Variants in PRR36 observed in about 807,000 individuals in gnomAD.
PRR36 encodes the protein proline-rich protein 36.
In PRR36, 30 loss-of-function variants were observed where a neutral mutation model predicts 58.6. The ratio of observed to expected loss-of-function variants is 0.51; its 90% CI spans 0.38 to 0.69. The LOEUF (loss-of-function observed/expected upper bound fraction) is 0.69. Among genes scored for constraint, PRR36 ranks in the 30% least tolerant of loss-of-function variants. The probability of loss-of-function intolerance (pLI) is 0.00; values close to 1 mark genes in which losing one functional copy is unlikely to be tolerated. For synonymous variants in PRR36, 771 were observed against 829.3 expected, an observed-to-expected ratio of 0.93 and a Z score of 1.21; for missense variants, 1,692 against 1,805.6, an observed-to-expected ratio of 0.94 and a Z score of 1.14.
chr19:7,868,970 C>T lies in PRR36; in HGVS notation c.*63G>A. 1 of 1,445,430 alleles carries T rather than the reference C, an allele frequency of 6.9e-7. No homozygotes were observed. Among genetic ancestry groups the T allele is most frequent in the East Asian group, 2.7e-5 (1 of 36,912 alleles). 89.5% of individuals were successfully genotyped at this position (1,445,430 alleles called of 1,614,324 possible). A position where few individuals can be genotyped will look rare whatever the true frequency, so the allele number is the denominator to read the frequency against. On this transcript the variant is annotated 3_prime_UTR_variant, in exon 6 of 6. Coordinates refer to ENST00000618550, the MANE Select transcript of PRR36 (RefSeq NM_001190467.2). ...TGGAGGCGGGGTCTAAAACAAACGG[C>T]GTACCCGGAGGGGCGGATCCTAAGG...
chr19:7,872,521 G>A lies in PRR36; in HGVS notation c.723C>T (p.Ser241=), dbSNP rs1413268801. Residue 241 remains serine, a synonymous_variant, in exon 5 of 6, where the codon TCC becomes TCT. Transcript: ENST00000618550. The surrounding 1 kb of genome is among the most constrained non-coding windows in gnomAD (Gnocchi z 6.1). ...GGGLQRPASR[S]LSSSATPLSS... ...AGAGAGGGGTGGCGCTGGAGCTCAG[G>A]GAGCGCGAGGCCGGCCTCTGGAGAC... 1.3e-6 allele frequency: 2 copies of A among 1,506,980 alleles called. No individual in the cohort carries two copies. The highest frequency in any genetic ancestry group is 2.5e-5 in the East Asian group (1 of 39,886). The allele number at this position is 1,506,980 out of a possible 1,614,324, so 93.4% of individuals were successfully genotyped here.
Position 7,871,311 on chromosome 19 carries a change from G to A in PRR36, c.1933C>T (p.Arg645Trp), listed in dbSNP as rs1016441321. 23 of 1,529,808 alleles carry A rather than the reference G, an allele frequency of 1.5e-5. No homozygotes were observed. The highest frequency in any genetic ancestry group is 2.0e-5 in the Non-Finnish European group (23 of 1,143,040). 94.8% of individuals were successfully genotyped at this position (1,529,808 alleles called of 1,614,324 possible). A position where few individuals can be genotyped will look rare whatever the true frequency, so the allele number is the denominator to read the frequency against. The change falls in exon 5 of 6, where the codon CGG (arginine) becomes TGG (tryptophan). Residue 645 changes from arginine to tryptophan, a missense_variant. By Grantham distance (101) the Arg-to-Trp change is moderately radical. Transcript: ENST00000618550. ...QTQASLISPS[R>W]PASTPPDSPP... Reference sequence around the variant, plus strand: ...GAATCAGGGGGAGTAGAGGCCGGCCGAGAAGGTGAGATCAAAGAAGCTTGG... The same window carrying A: ...GAATCAGGGGGAGTAGAGGCCGGCCAAGAAGGTGAGATCAAAGAAGCTTGG...
rs1485624255 is a variant in PRR36, at chr19:7,869,771, T to G, written c.3473A>C (p.His1158Pro). 1 of 1,360,020 alleles carries G rather than the reference T, an allele frequency of 7.4e-7. No homozygotes were observed. The highest frequency in any genetic ancestry group is 1.5e-5 in the African/African-American group (1 of 64,936). The allele number at this position is 1,360,020 out of a possible 1,614,324, so 84.2% of individuals were successfully genotyped here. A position where few individuals can be genotyped will look rare whatever the true frequency, so the allele number is the denominator to read the frequency against. The change falls in exon 5 of 6, where the codon CAC becomes CCC. Residue 1158 changes from histidine (H) to proline (P), a missense_variant. Transcript: ENST00000618550. ...GGGGCCTCGACTCCAGGCAGCCGGG[T>G]GGCAAGCGGCGAGCTCTGCGTCGGG... The part of the protein sequence containing the change: ...PPPDAELAAC[H>P]PAAWSRGPAP...
Position 7,872,686 on chromosome 19 carries a change from C to G in PRR36, c.558G>C (p.Glu186Asp), listed in dbSNP as rs1367265952. Residue 186 changes from glutamate (E) to aspartate (D), a missense_variant, in exon 5 of 6, where the codon GAG (glutamate) becomes GAC (aspartate). Physicochemically the swap from Glu to Asp is conservative, Grantham distance 45. This residue lies in a region of PRR36 where 975 missense variants were observed against 955.2 expected (regional missense o/e 1.02). Transcript: ENST00000618550. The surrounding 1 kb of genome is among the most constrained non-coding windows in gnomAD (Gnocchi z 6.1). ...MARRSRAAGT[E>D]VGLPRPAPSA... The stretch of plus-strand genomic sequence containing the variant: ...TCGGAGCTGGCCGGGGGAGCCCCAC[C>G]TCGGTGCCCGCAGCCCGGGACCGAC... 2 of 1,450,260 alleles carry G rather than the reference C, an allele frequency of 1.4e-6. No homozygotes were observed. The highest frequency in any genetic ancestry group is 1.8e-6 in the Non-Finnish European group (2 of 1,107,200). The allele number at this position is 1,450,260 out of a possible 1,614,324, so 89.8% of individuals were successfully genotyped here. A position where few individuals can be genotyped will look rare whatever the true frequency, so the allele number is the denominator to read the frequency against.
chr19:7,873,208 G>T lies in PRR36; in HGVS notation c.363C>A (p.Ser121Arg), dbSNP rs768756437. 7 of 1,535,970 alleles carry T rather than the reference G, an allele frequency of 4.6e-6. No homozygotes were observed. In the Admixed American group the frequency reaches 9.8e-5, roughly 22 times the overall value. Reference protein sequence around the residue: ...PGPVSSPGRASGTTRPGPLGQ... With the variant: ...PGPVSSPGRARGTTRPGPLGQ... ...AGGGAGCAGGTTACCTGGTGGTCCC[G>T]CTGGCACGCCCTGGGCTAGAAACAG... is the stretch of plus-strand genomic sequence containing the variant. The change falls in exon 3 of 6, where the codon AGC (serine) becomes AGA (arginine). Residue 121 changes from serine to arginine, a missense_variant. Coordinates refer to ENST00000618550, the MANE Select transcript of PRR36 (RefSeq NM_001190467.2). This position sits in a 1 kb window ranked among gnomAD's most constrained non-coding sequence, Gnocchi z 5.0.
Position 7,870,171 on chromosome 19 carries a change from G to A in PRR36, c.3073C>T (p.Pro1025Ser). ...GCCTGCCCAGGGAATGAGGCAGGCG[G>A]AGAGGGAAGGGCCTGCAGAGGAGGT... The part of the protein sequence containing the change: ...ATPPLQALPS[P>S]PASFPGQAPF... Residue 1025 changes from proline (P) to serine (S), a missense_variant, in exon 5 of 6, where the codon CCG becomes TCG. Coordinates refer to ENST00000618550, the MANE Select transcript of PRR36 (RefSeq NM_001190467.2). The A allele has an allele frequency of 7.0e-7, 1 of 1,428,712 alleles. No homozygotes were observed. Among genetic ancestry groups the A allele is most frequent in the Non-Finnish European group, 9.1e-7 (1 of 1,097,472 alleles). 88.5% of individuals were successfully genotyped at this position (1,428,712 alleles called of 1,614,324 possible).
Position 7,871,906 on chromosome 19 carries a change from AAG to A in PRR36, c.1336_1337del (p.Leu446SerfsTer188), listed in dbSNP as rs1182300565. 1.3e-6 allele frequency: 2 copies of A among 1,535,740 alleles called. No homozygotes were observed. The highest frequency in any genetic ancestry group is 1.7e-6 in the Non-Finnish European group (2 of 1,146,838). ...PTQANPALPS[L>X]PTLLSPLATP... is the part of the protein sequence containing the mutation. ...TGGCCAAGGGAGAGAGGAGAGTCGG[AAG>A]AGAGGGCAACGCTGGATTAGCTTGG... On this transcript the variant is annotated frameshift_variant, in exon 5 of 6. Coordinates refer to ENST00000618550, the MANE Select transcript of PRR36 (RefSeq NM_001190467.2). LOFTEE classifies it high-confidence loss of function.
rs1489387568 is a variant in PRR36 at position 7,873,761 on chromosome 19, C to G, written c.-7-65G>C. 1 of 1,436,994 alleles carries G rather than the reference C, an allele frequency of 7.0e-7. No individual in the cohort carries two copies. The highest frequency in any genetic ancestry group is 2.5e-5 in the East Asian group (1 of 40,170). 89.0% of individuals were successfully genotyped at this position (1,436,994 alleles called of 1,614,324 possible). ...GCTACGCCGCCTCCAGAGACCTGGA[C>G]CCTGCTACCTCACTGCCCTTTCGCA... On this transcript the variant is annotated intron_variant, in intron 1 of 5. Coordinates refer to ENST00000618550, the MANE Select transcript of PRR36 (RefSeq NM_001190467.2). The surrounding 1 kb of genome is among the most constrained non-coding windows in gnomAD (Gnocchi z 5.0).
At position 7,870,857 on chromosome 19, in the gene PRR36, G is replaced by A. The variant is rs1170408178; in HGVS notation, c.2387C>T (p.Ser796Leu). 6 of 1,447,776 alleles carry A rather than the reference G, an allele frequency of 4.1e-6. No individual in the cohort carries two copies. The highest frequency in any genetic ancestry group is 3.6e-4 in the Middle Eastern group (2 of 5,572). The allele number at this position is 1,447,776 out of a possible 1,614,324, so 89.7% of individuals were successfully genotyped here. A position where few individuals can be genotyped will look rare whatever the true frequency, so the allele number is the denominator to read the frequency against. ...PAPCPLQAPP[S>L]PLTTPPPETP... ...CTCCGGAGGGGGCGTGGTCAATGGC[G>A]AAGGTGGTGCTTGCAGAGGGCATGG... The change falls in exon 5 of 6, where the codon TCG (serine) becomes TTG (leucine). Residue 796 changes from serine to leucine, a missense_variant. Physicochemically the swap from Ser to Leu is moderately radical, Grantham distance 145. Transcript: ENST00000618550.
At position 7,870,442 on chromosome 19, in the gene PRR36, G is replaced by A; in HGVS notation, c.2802C>T (p.Ala934=). The A allele has an allele frequency of 1.0e-6, 1 of 1,004,310 alleles. No individual in the cohort carries two copies. Among genetic ancestry groups the A allele is most frequent in the Non-Finnish European group, 1.2e-6 (1 of 803,220 alleles). The allele number at this position is 1,004,310 out of a possible 1,614,324, so 62.2% of individuals were successfully genotyped here. ...TGGCTGAAGGAGACATTGGGGGAGA[G>A]GCAGGGGGAGAGGGTGGGACCTGCA... is the stretch of plus-strand genomic sequence containing the variant. ...PPLQVPPSPP[A]SPPMSPSATP... is the part of the protein sequence containing the mutation. The change falls in exon 5 of 6, where the codon GCC becomes GCT. Residue 934 remains alanine, a synonymous_variant. Coordinates refer to ENST00000618550, the MANE Select transcript of PRR36 (RefSeq NM_001190467.2).
In PRR36 at chr19:7,870,871, C is replaced by G; in HGVS notation, c.2373G>C (p.Leu791=). The G allele has an allele frequency of 6.9e-7, 1 of 1,443,342 alleles. No individual in the cohort carries two copies. The highest frequency in any genetic ancestry group is 9.0e-7 in the Non-Finnish European group (1 of 1,105,198). 89.4% of individuals were successfully genotyped at this position (1,443,342 alleles called of 1,614,324 possible). A position where few individuals can be genotyped will look rare whatever the true frequency, so the allele number is the denominator to read the frequency against. ...ETPPCPAPCP[L]QAPPSPLTTP... is the part of the protein sequence containing the mutation. ...TGGTCAATGGCGAAGGTGGTGCTTG[C>G]AGAGGGCATGGGGCTGGACAAGGTG... The change falls in exon 5 of 6, where the codon CTG becomes CTC. Residue 791 remains leucine, a synonymous_variant. Transcript: ENST00000618550.
rs1980520624 is a variant in PRR36, at chr19:7,872,657, G to A, written c.587C>T (p.Ala196Val). 1 of 1,470,668 alleles carries A rather than the reference G, an allele frequency of 6.8e-7. No individual in the cohort carries two copies. Among genetic ancestry groups the A allele is most frequent in the East Asian group, 2.5e-5 (1 of 39,680 alleles). 91.1% of individuals were successfully genotyped at this position (1,470,668 alleles called of 1,614,324 possible). ...EVGLPRPAPS[A>V]RPRPPTEGPR... ...GCCCTCTGTCGGGGGCCGTGGCCGG[G>A]CACTCGGAGCTGGCCGGGGGAGCCC... is the stretch of plus-strand genomic sequence containing the variant. Residue 196 changes from alanine (A) to valine (V), a missense_variant, in exon 5 of 6, where the codon GCC becomes GTC. Coordinates refer to ENST00000618550, the MANE Select transcript of PRR36 (RefSeq NM_001190467.2). This position sits in a 1 kb window ranked among gnomAD's most constrained non-coding sequence, Gnocchi z 6.1.
Position 7,870,835 on chromosome 19 carries a change from C to A in PRR36, c.2409G>T (p.Pro803=). ...APPSPLTTPP[P]ETPSSIATPP... ...GCGTGGCTATGGAAGAGGGCGTCTCCGGAGGGGGCGTGGTCAATGGCGAAG... is the reference window on the plus strand; with the variant it reads ...GCGTGGCTATGGAAGAGGGCGTCTCAGGAGGGGGCGTGGTCAATGGCGAAG... The change falls in exon 5 of 6, where the codon CCG becomes CCT. Residue 803 remains proline, a synonymous_variant. Coordinates refer to ENST00000618550, the MANE Select transcript of PRR36 (RefSeq NM_001190467.2). The A allele has an allele frequency of 6.9e-7, 1 of 1,440,192 alleles. No homozygotes were observed. Among genetic ancestry groups the A allele is most frequent in the African/African-American group, 1.5e-5 (1 of 68,502 alleles). The allele number at this position is 1,440,192 out of a possible 1,614,324, so 89.2% of individuals were successfully genotyped here. A position where few individuals can be genotyped will look rare whatever the true frequency, so the allele number is the denominator to read the frequency against.
Position 7,871,974 on chromosome 19 carries a change from A to C in PRR36, c.1270T>G (p.Ser424Ala). ...LATAAFVASV[S>A]PSVSSPLQSM... ...TGCAGAGGGGATGAAACTGATGGAG[A>C]GACTGAAGCCACAAAAGCGGCTGTG... The change falls in exon 5 of 6, where the codon TCT (serine) becomes GCT (alanine). Residue 424 changes from serine (S) to alanine (A), a missense_variant. Ser to Ala is a moderately conservative substitution (Grantham distance 99, BLOSUM62 1). Coordinates refer to ENST00000618550, the MANE Select transcript of PRR36 (RefSeq NM_001190467.2). 6.5e-7 allele frequency: 1 copy of C among 1,535,426 alleles called. No individual in the cohort carries two copies. The highest frequency in any genetic ancestry group is 8.7e-7 in the Non-Finnish European group (1 of 1,146,796).
rs1980491902 is a variant in PRR36 at position 7,872,213 on chromosome 19, G to A, written c.1031C>T (p.Ala344Val). Residue 344 changes from alanine to valine, a missense_variant, in exon 5 of 6, where the codon GCT becomes GTT. By Grantham distance (64) the Ala-to-Val change is moderately conservative. Transcript: ENST00000618550. The surrounding 1 kb of genome is among the most constrained non-coding windows in gnomAD (Gnocchi z 6.1). Reference protein sequence around the residue: ...SPPVTPPPPAALQSQAPPTLP... With the variant: ...SPPVTPPPPAVLQSQAPPTLP... ...GGTGGGCGGGGCCTGACTTTGGAGA[G>A]CGGCTGGCGGAGGGGGCGTTACCGG... The A allele has an allele frequency of 2.1e-6, 3 of 1,447,264 alleles. No homozygotes were observed. Among genetic ancestry groups the A allele is most frequent in the South Asian group, 1.4e-5 (1 of 69,924 alleles). 89.7% of individuals were successfully genotyped at this position (1,447,264 alleles called of 1,614,324 possible). A position where few individuals can be genotyped will look rare whatever the true frequency, so the allele number is the denominator to read the frequency against.
rs1980586781 is a variant in PRR36 at position 7,873,895 on chromosome 19, C to T, written c.-7-199G>A. Among the ~76,000 whole-genome samples the T allele has an allele frequency of 6.6e-6, 1 of 151,998 alleles. No individual in the cohort carries two copies. The highest frequency in any genetic ancestry group is 2.4e-5 in the African/African-American group (1 of 41,388). On this transcript the variant is annotated intron_variant, in intron 1 of 5. Coordinates refer to ENST00000618550, the MANE Select transcript of PRR36 (RefSeq NM_001190467.2). This position sits in a 1 kb window ranked among gnomAD's most constrained non-coding sequence, Gnocchi z 5.0. ...CACTGCTCCTCGCTGTCCCCAAGTC[C>T]CACCCCCCACCGCTTTTCCCTAAAG...
Position 7,872,582 on chromosome 19 carries a change from C to T in PRR36, c.662G>A (p.Ser221Asn). The part of the protein sequence containing the change: ...SASEHSTTEP[S>N]PAARRRPSAG... ...GCTGGGCCGCCTCCTGGCAGCCGGG[C>T]TTGGCTCGGTGGTACTGTGCTCCGA... Residue 221 changes from serine to asparagine, a missense_variant, in exon 5 of 6, where the codon AGC becomes AAC. Physicochemically the swap from Ser to Asn is conservative, Grantham distance 46 (BLOSUM62 1). This residue lies in a region of PRR36 where 975 missense variants were observed against 955.2 expected (regional missense o/e 1.02). Coordinates refer to ENST00000618550, the MANE Select transcript of PRR36 (RefSeq NM_001190467.2). The surrounding 1 kb of genome is among the most constrained non-coding windows in gnomAD (Gnocchi z 6.1). 6.6e-7 allele frequency: 1 copy of T among 1,524,268 alleles called. No homozygotes were observed. The highest frequency in any genetic ancestry group is 2.0e-5 in the Admixed American group (1 of 49,150). 94.4% of individuals were successfully genotyped at this position (1,524,268 alleles called of 1,614,324 possible). A position where few individuals can be genotyped will look rare whatever the true frequency, so the allele number is the denominator to read the frequency against.
Position 7,871,784 on chromosome 19 carries a change from G to A in PRR36, c.1460C>T (p.Pro487Leu), listed in dbSNP as rs553008049. ...GGGCGTGGTCAGAGCAGAAAGGCCT[G>A]GCTGAGGGAGTGCGGCCAGGGGAAA... ...SAFPLAALPQ[P>L]GLSALTTPPP... The change falls in exon 5 of 6, where the codon CCA becomes CTA. Residue 487 changes from proline (P) to leucine (L), a missense_variant. Physicochemically the swap from Pro to Leu is moderately conservative, Grantham distance 98 (BLOSUM62 -3). Transcript: ENST00000618550. 1.8e-3 allele frequency: 2,805 copies of A among 1,535,650 alleles called. 2 individuals carry two copies. The highest frequency in any genetic ancestry group is 2.3e-3 in the Non-Finnish European group (2,675 of 1,146,744).
chr19:7,872,961 C>A lies in PRR36; in HGVS notation c.375G>T (p.Arg125Ser). The A allele has an allele frequency of 6.5e-7, 1 of 1,535,370 alleles. No homozygotes were observed. Among genetic ancestry groups the A allele is most frequent in the Non-Finnish European group, 8.7e-7 (1 of 1,146,352 alleles). ...SSPGRASGTT[R>S]PGPLGQKGLR... Reference sequence around the variant, plus strand: ...GTCCCTTCTGGCCAAGAGGGCCTGGCCTGGAGACAGAAGGGGCCACGCTCA... The same window carrying A: ...GTCCCTTCTGGCCAAGAGGGCCTGGACTGGAGACAGAAGGGGCCACGCTCA... The change falls in exon 4 of 6, where the codon AGG becomes AGT. Residue 125 changes from arginine (R) to serine (S), a missense_variant and splice_region_variant. Physicochemically the swap from Arg to Ser is moderately radical, Grantham distance 110 (BLOSUM62 -1). This residue lies in a region of PRR36 where 975 missense variants were observed against 955.2 expected (regional missense o/e 1.02). Coordinates refer to ENST00000618550, the MANE Select transcript of PRR36 (RefSeq NM_001190467.2). This position sits in a 1 kb window ranked among gnomAD's most constrained non-coding sequence, Gnocchi z 6.1.
Sources: allele counts gnomAD v4.1 joint callset (sites outside exome capture counted in the v4.1 genomes callset), GRCh38; gene constraint gnomAD v4.1.1; regional missense constraint gnomAD v4.1.1; non-coding constraint Gnocchi (gnomAD v3.1); transcripts MANE v1.5; gene names NCBI Gene and HGNC (gene_info 2026-07-23, HGNC 2026-07-21).